Variants in FLNC observed in about 807,000 individuals in gnomAD.
FLNC encodes filamin C, also known as filamin-C.
Under a neutral mutation model 254.3 loss-of-function variants are expected in FLNC, and 91 were observed. The observed-to-expected ratio is 0.36, with a 90% CI of 0.30 to 0.43. The LOEUF (loss-of-function observed/expected upper bound fraction) is 0.43, where lower values mean the gene tolerates loss of function less well. Ranked by LOEUF, FLNC falls within the 20% of genes least tolerant of loss-of-function variation. The pLI, the probability that FLNC is intolerant of heterozygous loss-of-function variation, is 1.00. For synonymous variants in FLNC, 1,430 were observed against 1,577.2 expected, an observed-to-expected ratio of 0.91 and a Z score of 2.21; for missense variants, 2,853 against 3,802.6, an observed-to-expected ratio of 0.75 and a Z score of 6.57.
chr7:128,855,176 T>G lies in FLNC; in HGVS notation c.7136-23T>G, dbSNP rs749827403. ...CTGCCAACCTCCATCCCGGAACCTG[T>G]GCTGACTGGTCTCTCTCCCCAGGTG... On this transcript the variant is annotated intron_variant, in intron 42 of 47. Coordinates refer to ENST00000325888, the MANE Select transcript of FLNC (RefSeq NM_001458.5). The G allele has an allele frequency of 7.2e-6, 11 of 1,527,670 alleles. No homozygotes were observed. The African/African-American group carries it at 1.1e-4, about 15-fold the overall frequency. The allele number at this position is 1,527,670 out of a possible 1,614,324, so 94.6% of individuals were successfully genotyped here.
At chr7:128,834,540 T>C (rs1808021892) in intron 1 of FLNC, among the ~76,000 whole-genome samples, 1 of 129,642 alleles carries the variant, frequency 7.7e-6, no homozygotes, top group East Asian at 2.5e-4. Context: ...CGGGGTAGAG[T>C]GTGAGTGGAA....
chr7:128,849,138 C>A, intron 28 of FLNC, 43 bp from the exon 29 acceptor site: 1 of 1,607,818 alleles, frequency 6.2e-7, no homozygotes, highest in East Asian at 2.2e-5. Context: ...TGCCCCAGCC[C>A]ACGTTGAGCA....
At chr7:128,855,127 G>A (rs993237747) in intron 42 of FLNC, 72 bp from the exon 43 acceptor site, 10 of 1,177,810 alleles carry the variant, frequency 8.5e-6, no homozygotes, top group Non-Finnish European at 1.1e-5. Context: ...CCTGGGATAA[G>A]GCCAGGGTGG....
intron 16 of FLNC, 67 bp downstream of exon 16, chr7:128,843,021 TG>T: frequency 2.5e-6 from 4 of 1,570,550 alleles, no homozygotes; most frequent in Non-Finnish European, 3.5e-6. Flanking sequence ...CTGGAGATGC[TG>T]TCACTGGGAA....
Position 128,843,896 on chromosome 7 carries a change from T to C in FLNC, c.2912T>C (p.Val971Ala). 1 of 1,614,010 alleles carries C rather than the reference T, an allele frequency of 6.2e-7. No homozygotes were observed. The highest frequency in any genetic ancestry group is 1.1e-5 in the South Asian group (1 of 91,070). The change falls in exon 19 of 48, where the codon GTT becomes GCT. Residue 971 changes from valine (V) to alanine (A), a missense_variant. Val to Ala is a moderately conservative substitution (Grantham distance 64). Coordinates refer to ENST00000325888, the MANE Select transcript of FLNC (RefSeq NM_001458.5). Reference protein sequence around the residue: ...APPLDLSKIKVQGLNSKVAVG... With the variant: ...APPLDLSKIKAQGLNSKVAVG... Reference sequence around the variant, plus strand: ...CCGCTGGACCTCAGCAAAATCAAAGTTCAGGGCCTTAATAGCAGTAAGTGG... The same window carrying C: ...CCGCTGGACCTCAGCAAAATCAAAGCTCAGGGCCTTAATAGCAGTAAGTGG...
intron 30 of FLNC, 132 bp from the exon 31 acceptor site, chr7:128,849,844 C>T: frequency 1.3e-6 from 1 of 799,836 alleles, no homozygotes; most frequent in South Asian, 1.5e-5. Flanking sequence ...TCCATCTCCC[C>T]AGAGGCTGCC....
At position 128,849,059 on chromosome 7, in the gene FLNC, C is replaced by G. The variant is rs1217905460; in HGVS notation, c.4927+77C>G. 3.8e-6 allele frequency: 6 copies of G among 1,594,692 alleles called. No homozygotes were observed. In the East Asian group the frequency reaches 1.3e-4, roughly 36 times the overall value. On this transcript the variant is annotated intron_variant, in intron 28 of 47. Transcript: ENST00000325888. ...CCCCTCCAGAACCCTGGCCTGGTCCCCAGGGGTCTGCTGGTCGGAGAGCAC... is the reference window on the plus strand; with the variant it reads ...CCCCTCCAGAACCCTGGCCTGGTCCGCAGGGGTCTGCTGGTCGGAGAGCAC...
intron 24 of FLNC, 60 bp downstream of exon 24, chr7:128,846,965 C>A: frequency 1.3e-6 from 2 of 1,590,992 alleles, no homozygotes; most frequent in East Asian, 2.2e-5. Context: ...GGATGCTCGC[C>A]CCACAAGGGG....
intron 1 of FLNC, among the ~76,000 whole-genome samples, chr7:128,834,321 C>A (rs539546088): frequency 3.4e-5 from 5 of 146,824 alleles, no homozygotes; most frequent in East Asian, 2.0e-4. Context: ...GCCCCCCCCC[C>A]CCAAATCTTG....
intron 35 of FLNC, among the ~76,000 whole-genome samples, chr7:128,852,175 T>C (rs1808846438): frequency 6.6e-6 from 1 of 152,164 alleles, no homozygotes; most frequent in South Asian, 2.1e-4. Flanking sequence ...GAAGTCACTC[T>C]TAAGAAGTTA....
At chr7:128,847,551 A>G (rs1482781265) in intron 24 of FLNC, 146 bp from the exon 25 acceptor site, 1 of 872,002 alleles carries the variant, frequency 1.1e-6, no homozygotes, top group Non-Finnish European at 1.8e-6. Flanking sequence ...GTGTTTTCTT[A>G]GCAAGTTCCT....
Position 128,847,884 on chromosome 7 carries a change from G to A in FLNC, c.4456+20G>A. The A allele has an allele frequency of 6.2e-7, 1 of 1,613,854 alleles. No individual in the cohort carries two copies. Among genetic ancestry groups the A allele is most frequent in the Non-Finnish European group, 8.5e-7 (1 of 1,179,968 alleles). ...CCACAGGTATAGAATGGCCGGGGCAGGGAGGAGGGAGGTGGGGCGGGACGC... is the reference window on the plus strand; with the variant it reads ...CCACAGGTATAGAATGGCCGGGGCAAGGAGGAGGGAGGTGGGGCGGGACGC... On this transcript the variant is annotated intron_variant, in intron 25 of 47. Coordinates refer to ENST00000325888, the MANE Select transcript of FLNC (RefSeq NM_001458.5).
chr7:128,854,533 T>G lies in FLNC; in HGVS notation c.6848T>G (p.Met2283Arg), dbSNP rs1174754248. ...AYSVRFVPQEMGPHTVAVKYR... is the reference protein window; with the variant it reads ...AYSVRFVPQERGPHTVAVKYR... ...AGCGTGCGCTTTGTGCCCCAGGAAA[T>G]GGGGCCCCATACGGTCGCTGTCAAG... Residue 2283 changes from methionine to arginine, a missense_variant, in exon 41 of 48, where the codon ATG becomes AGG. Met to Arg is a moderately conservative substitution (Grantham distance 91, BLOSUM62 -1). Transcript: ENST00000325888. The G allele has an allele frequency of 6.2e-7, 1 of 1,607,144 alleles. No homozygotes were observed.
chr7:128,844,300 T>C, intron 20 of FLNC, 34 bp downstream of exon 20: 1 of 1,579,232 alleles, frequency 6.3e-7, no homozygotes, highest in Non-Finnish European at 8.6e-7. Context: ...GGCTGGGAGT[T>C]GGGGACTTGT....
rs2128936779 is a variant in FLNC, at chr7:128,846,141, G to A, written c.3942G>A (p.Val1314=). 1.9e-6 allele frequency: 3 copies of A among 1,614,060 alleles called. No individual in the cohort carries two copies. The highest frequency in any genetic ancestry group is 2.5e-6 in the Non-Finnish European group (3 of 1,179,976). Residue 1314 remains valine, a synonymous_variant, in exon 22 of 48, where the codon GTG becomes GTA. Transcript: ENST00000325888. ...ACAATGGGGACGGCACCTACCGAGTGCAGTACACCGCCTACGAGGAGGGTG... is the reference window on the plus strand; with the variant it reads ...ACAATGGGGACGGCACCTACCGAGTACAGTACACCGCCTACGAGGAGGGTG... ...VTDNGDGTYR[V]QYTAYEEGVH...
chr7:128,850,473 G>C lies in FLNC; in HGVS notation c.5388G>C (p.Gly1796=), dbSNP rs371633189. 5 of 1,612,900 alleles carry C rather than the reference G, an allele frequency of 3.1e-6. No individual in the cohort carries two copies. The African/African-American group carries it at 5.3e-5, about 17-fold the overall frequency. ...TCATCCCCTTCGCGGTGCAGAAAGG[G>C]GAGCTCACAGGTACTGCCCTGTGGC... is the stretch of plus-strand genomic sequence containing the variant. The part of the protein sequence containing the change: ...NLVIPFAVQK[G]ELTGEVRMPS... The change falls in exon 32 of 48, where the codon GGG becomes GGC. Residue 1796 remains glycine (G), a synonymous_variant. Coordinates refer to ENST00000325888, the MANE Select transcript of FLNC (RefSeq NM_001458.5).
chr7:128,836,552 C>A lies in FLNC; in HGVS notation c.602-608C>A, dbSNP rs1382307488. Among the ~76,000 whole-genome samples, 1 of 152,222 alleles carries A rather than the reference C, an allele frequency of 6.6e-6. No homozygotes were observed. The highest frequency in any genetic ancestry group is 1.5e-5 in the Non-Finnish European group (1 of 68,036). The stretch of plus-strand genomic sequence containing the variant: ...CGTTCATAGGAGTGATCTGGGGCTG[C>A]CTCAGCGTCCTTCCTGTTAGGAAGG... On this transcript the variant is annotated intron_variant, in intron 2 of 47. Coordinates refer to ENST00000325888, the MANE Select transcript of FLNC (RefSeq NM_001458.5). The surrounding 1 kb of genome is among the most constrained non-coding windows in gnomAD (Gnocchi z 6.0).
In FLNC at chr7:128,857,207, G is replaced by A; in HGVS notation, c.7651G>A (p.Asp2551Asn). ...TIDGPSKVQL[D>N]CRECPEGHVV... ...TGATGGCCCCTCCAAGGTGCAGCTG[G>A]ACTGTCGGGAGTGTCCTGAGGGCCA... Residue 2551 changes from aspartate to asparagine, a missense_variant, in exon 46 of 48, where the codon GAC becomes AAC. Asp to Asn is a conservative substitution (Grantham distance 23, BLOSUM62 1). Coordinates refer to ENST00000325888, the MANE Select transcript of FLNC (RefSeq NM_001458.5). The surrounding 1 kb of genome is among the most constrained non-coding windows in gnomAD (Gnocchi z 4.5). 6.2e-7 allele frequency: 1 copy of A among 1,614,134 alleles called. No individual in the cohort carries two copies. Among genetic ancestry groups the A allele is most frequent in the Non-Finnish European group, 8.5e-7 (1 of 1,180,024 alleles).
In FLNC at chr7:128,844,129, G is replaced by A. The variant is rs200864007; in HGVS notation, c.3055G>A (p.Gly1019Ser). 75 of 1,613,964 alleles carry A rather than the reference G, an allele frequency of 4.6e-5. No individual in the cohort carries two copies. The East Asian group carries it at 5.6e-4, about 12-fold the overall frequency. ...CATCCCCTGCAAGCTGGAGCCAGGC[G>A]GTGGAGCGGAAGCCCAGGCTGTGCG... ...RPIPCKLEPG[G>S]GAEAQAVRYM... Residue 1019 changes from glycine (G) to serine (S), a missense_variant, in exon 20 of 48, where the codon GGT (glycine) becomes AGT (serine). Around this residue, in one of 10 missense-constraint regions of FLNC, gnomAD observed 1,573 missense variants for 1,883.5 expected, o/e 0.84. Coordinates refer to ENST00000325888, the MANE Select transcript of FLNC (RefSeq NM_001458.5).
Sources: gnomAD v4.1 joint callset for allele counts (sites outside exome capture counted in the v4.1 genomes callset) on GRCh38, gnomAD v4.1.1 for gene constraint, gnomAD v4.1.1 regional missense constraint, Gnocchi (gnomAD v3.1) non-coding constraint, MANE v1.5 for transcripts, NCBI Gene and HGNC (gene_info 2026-07-23, HGNC 2026-07-21) for gene names.